The following PPFIA2 variants were observed in gnomAD, a reference collection of about 807,000 sequenced individuals.
The protein encoded by PPFIA2 is liprin-alpha-2.
A neutral mutation model predicts 175.5 loss-of-function variants in PPFIA2; 46 were observed. The ratio of observed to expected loss-of-function variants is 0.26; its 90% CI spans 0.21 to 0.34. PPFIA2 has a LOEUF of 0.34. Among genes scored for constraint, PPFIA2 ranks in the 10% least tolerant of loss-of-function variants. The probability of loss-of-function intolerance (pLI) is 1.00; values close to 1 mark genes in which losing one functional copy is unlikely to be tolerated. For synonymous variants in PPFIA2, 568 were observed against 511.4 expected (o/e 1.11, Z -1.49); for missense variants, 1,179 against 1,506.1 (o/e 0.78, Z 3.60).
At chr12:81,262,880 T>G (rs1192739109) in intron 31 of PPFIA2, among the ~76,000 whole-genome samples, 1 of 152,236 alleles carries the variant, frequency 6.6e-6, no homozygotes, top group Non-Finnish European at 1.5e-5. Context: ...CCATTTACTA[T>G]GGATCTTTAG....
chr12:81,695,271 A>C (rs756930514), intron 3 of PPFIA2, among the ~76,000 whole-genome samples: 1 of 152,106 alleles, frequency 6.6e-6, no homozygotes, highest in Non-Finnish European at 1.5e-5. Context: ...CCCTACTTTT[A>C]TGTGGAATTG....
At chr12:81,438,526 GAGA>G (rs2049529817) in intron 7 of PPFIA2, among the ~76,000 whole-genome samples, 1 of 152,094 alleles carries the variant, frequency 6.6e-6, no homozygotes, top group Non-Finnish European at 1.5e-5. Flanking sequence ...AGTTTGTACT[GAGA>G]AGATTTATTG....
intron 4 of PPFIA2, among the ~76,000 whole-genome samples, chr12:81,540,386 T>C (rs2066022976): frequency 1.3e-5 from 2 of 152,036 alleles, no homozygotes; most frequent in Non-Finnish European, 2.9e-5. Flanking sequence ...TCTGCATGTT[T>C]AACGATACAA....
At chr12:81,459,122 G>A (rs183773802) in intron 4 of PPFIA2, among the ~76,000 whole-genome samples, 1 of 152,230 alleles carries the variant, frequency 6.6e-6, no homozygotes, top group Non-Finnish European at 1.5e-5. Context: ...TCTCAGAGTA[G>A]GCTTCAGGGC....
At chr12:81,544,468 A>G (rs2066683765) in intron 4 of PPFIA2, among the ~76,000 whole-genome samples, 2 of 152,182 alleles carry the variant, frequency 1.3e-5, no homozygotes, top group Non-Finnish European at 1.5e-5. Context: ...GTTCTAGCTA[A>G]TGGGGCAGCC....
chr12:81,260,932 C>T (rs1188573875), intron 32 of PPFIA2: 1 of 152,048 alleles, frequency 6.6e-6, no homozygotes, highest in African/African-American at 2.4e-5. Flanking sequence ...ATTTATAAAT[C>T]TAAGAAACCA....
chr12:81,358,229 G>A lies in PPFIA2; in HGVS notation c.1638-12C>T, dbSNP rs892785639. 4 of 1,557,468 alleles carry A rather than the reference G, an allele frequency of 2.6e-6. No individual in the cohort carries two copies. The highest frequency in any genetic ancestry group is 3.5e-6 in the Non-Finnish European group (4 of 1,151,782). On this transcript the variant is annotated splice_polypyrimidine_tract_variant and intron_variant, in intron 15 of 32. Transcript: ENST00000549396. ...TGTCTAGATGAGTTCTGGAAAAAAG[G>A]AAAAATATAAAATAATCCAATCTCA...
intron 5 of PPFIA2, among the ~76,000 whole-genome samples, chr12:81,449,878 A>G (rs7295424): frequency 0.19 from 28,126 of 149,218 alleles, 2,947 homozygotes; most frequent in African/African-American, 0.28. Flanking sequence ...CTATGAGTGA[A>G]AACATGCGGT....
rs187011889 is a variant in PPFIA2, at chr12:81,536,078, A to G, written c.304-78212T>C. Among the ~76,000 whole-genome samples the G allele has an allele frequency of 4.9e-4, 75 of 151,928 alleles. 2 individuals are homozygous for G. The highest frequency in any genetic ancestry group is 2.7e-3 in the Admixed American group (41 of 15,218). The stretch of plus-strand genomic sequence containing the variant: ...TCAAATCTAAGTCTTCAGTGAATAT[A>G]TGAGTGTTATAAATATAGTCAGCAT... On this transcript the variant is annotated intron_variant, in intron 4 of 32. Transcript: ENST00000549396.
At chr12:81,403,675 T>C (rs1330861378) in intron 8 of PPFIA2, among the ~76,000 whole-genome samples, 1 of 152,104 alleles carries the variant, frequency 6.6e-6, no homozygotes, top group Non-Finnish European at 1.5e-5. Flanking sequence ...ATTTAACTGG[T>C]ATAGGAATAG....
chr12:81,512,589 T>C (rs927878003), intron 4 of PPFIA2, among the ~76,000 whole-genome samples: 4 of 152,106 alleles, frequency 2.6e-5, no homozygotes, highest in Non-Finnish European at 5.9e-5. Context: ...TTTGGTTACA[T>C]GGATGAGTTC....
In PPFIA2 at chr12:81,341,178, C is replaced by T. The variant is rs1416746687; in HGVS notation, c.2293G>A (p.Asp765Asn). The change falls in exon 20 of 33, where the codon GAC (aspartate) becomes AAC (asparagine). Residue 765 changes from aspartate to asparagine, a missense_variant. Coordinates refer to ENST00000549396, the MANE Select transcript of PPFIA2 (RefSeq NM_003625.5). ...IAVVEEDGREDKATIKCETSP... is the reference protein window; with the variant it reads ...IAVVEEDGRENKATIKCETSP... ...GTTTCACATTTAATTGTTGCTTTGT[C>T]CTCTCGACCATCTTCTTCCACAACT... is the stretch of plus-strand genomic sequence containing the variant. The T allele has an allele frequency of 6.2e-7, 1 of 1,612,022 alleles. No homozygotes were observed. Among genetic ancestry groups the T allele is most frequent in the Non-Finnish European group, 8.5e-7 (1 of 1,178,614 alleles).
chr12:81,415,178 A>T (rs1458553328), intron 7 of PPFIA2, among the ~76,000 whole-genome samples: 1 of 11,014 alleles, frequency 9.1e-5, no homozygotes. Context: ...TGGTTCAGGT[A>T]AAAAAAAAAA....
intron 7 of PPFIA2, among the ~76,000 whole-genome samples, chr12:81,421,474 T>A (rs2046232750): frequency 6.6e-6 from 1 of 151,926 alleles, no homozygotes; most frequent in Non-Finnish European, 1.5e-5. Flanking sequence ...AAAAGACTGT[T>A]GTAACTACAA....
chr12:81,271,238 T>C (rs2039005434), intron 28 of PPFIA2, among the ~76,000 whole-genome samples: 1 of 152,122 alleles, frequency 6.6e-6, no homozygotes, highest in Admixed American at 6.6e-5. Flanking sequence ...TTTATTGTTT[T>C]CTTATTTTAT....
intron 22 of PPFIA2, among the ~76,000 whole-genome samples, chr12:81,315,977 A>G (rs2052252506): frequency 6.6e-6 from 1 of 151,698 alleles, no homozygotes; most frequent in African/African-American, 2.4e-5. Context: ...TATTGCTCTA[A>G]GAATTTTGTT....
At chr12:81,486,833 C>A (rs1048085851) in intron 4 of PPFIA2, among the ~76,000 whole-genome samples, 1 of 151,682 alleles carries the variant, frequency 6.6e-6, no homozygotes, top group Non-Finnish European at 1.5e-5. Flanking sequence ...ATATAACTGT[C>A]AACTCCAATT....
At chr12:81,405,990 A>C in intron 7 of PPFIA2, 87 bp from the exon 8 acceptor site, 3 of 638,546 alleles carry the variant, frequency 4.7e-6, no homozygotes, top group Non-Finnish European at 8.0e-6. Flanking sequence ...GTGGTTAAGA[A>C]CTAATGAACA....
chr12:81,270,620 C>G (rs571873731), intron 28 of PPFIA2: 1 of 152,332 alleles, frequency 6.6e-6, no homozygotes, highest in Admixed American at 6.5e-5. Context: ...CACCAGAAGT[C>G]AGGGGGCGAA....
Sources: gnomAD v4.1 joint callset for allele counts (sites outside exome capture counted in the v4.1 genomes callset) on GRCh38, gnomAD v4.1.1 for gene constraint, MANE v1.5 for transcripts, NCBI Gene and HGNC (gene_info 2026-07-23, HGNC 2026-07-21) for gene names.